AFG1L: variants seen among roughly 807,000 people sequenced by gnomAD.
AFG1L encodes AFG1 like ATPase, also known as AFG1-like ATPase.
In AFG1L, 53 loss-of-function variants were observed where a neutral mutation model predicts 62.2. The ratio of observed to expected loss-of-function variants is 0.85; its 90% confidence interval spans 0.68 to 1.07. The LOEUF (loss-of-function observed/expected upper bound fraction) is 1.07, where lower values mean the gene tolerates loss of function less well. Ranked by LOEUF, AFG1L falls within the 50% of genes least tolerant of loss-of-function variation. The pLI, the probability that AFG1L is intolerant of heterozygous loss-of-function variation, is 0.00. For missense variants in AFG1L, 555 were observed against 590.5 expected (o/e 0.94, Z 0.62); for synonymous variants, 228 against 210.3 (o/e 1.08, Z -0.73).
At chr6:108,419,309 A>G (rs1376567016) in intron 7 of AFG1L, among the ~76,000 whole-genome samples, 2 of 152,284 alleles carry the variant, frequency 1.3e-5, no homozygotes, top group South Asian at 2.1e-4. Context: ...CTCATTCACA[A>G]TGACAGCTTA....
chr6:108,445,575 G>A (rs868207508), intron 7 of AFG1L, among the ~76,000 whole-genome samples: 1 of 150,926 alleles, frequency 6.6e-6, no homozygotes, highest in South Asian at 2.1e-4. Context: ...TCATTGTAGG[G>A]CTATTAATCG....
chr6:108,513,340 G>A (rs773075847), intron 11 of AFG1L, among the ~76,000 whole-genome samples: 1 of 152,216 alleles, frequency 6.6e-6, no homozygotes, highest in African/African-American at 2.4e-5. Flanking sequence ...GAAGCACAAG[G>A]CATCAGGGAA....
At chr6:108,391,880 C>A (rs1781072055) in intron 6 of AFG1L, among the ~76,000 whole-genome samples, 1 of 152,134 alleles carries the variant, frequency 6.6e-6, no homozygotes, top group Non-Finnish European at 1.5e-5. Context: ...GCGTACAGTA[C>A]AAGGCTCAAC....
At chr6:108,459,342 C>T (rs1772368543) in intron 8 of AFG1L, among the ~76,000 whole-genome samples, 1 of 152,164 alleles carries the variant, frequency 6.6e-6, no homozygotes, top group Non-Finnish European at 1.5e-5. Context: ...TGTCCCTATT[C>T]CTGAAGTCTG....
intron 1 of AFG1L, among the ~76,000 whole-genome samples, chr6:108,322,907 A>G (rs541008963): frequency 6.6e-6 from 1 of 152,146 alleles, no homozygotes; most frequent in Admixed American, 6.5e-5. Context: ...CCTCGCCACA[A>G]TCATTTCTCT....
At chr6:108,391,288 A>T (rs951877547) in intron 6 of AFG1L, among the ~76,000 whole-genome samples, 3 of 152,082 alleles carry the variant, frequency 2.0e-5, no homozygotes, top group African/African-American at 7.2e-5. Flanking sequence ...CCACACCAAC[A>T]TCTATTATTT....
chr6:108,460,221 T>G (rs1772400734), intron 8 of AFG1L, among the ~76,000 whole-genome samples: 1 of 151,924 alleles, frequency 6.6e-6, no homozygotes, highest in Non-Finnish European at 1.5e-5. Flanking sequence ...CAATTTTAAA[T>G]GACATAAATC....
At chr6:108,373,857 C>T (rs552511923) in intron 6 of AFG1L, among the ~76,000 whole-genome samples, 40 of 152,230 alleles carry the variant, frequency 2.6e-4, no homozygotes, top group African/African-American at 9.2e-4. Flanking sequence ...GGATTACAGG[C>T]GTGAGCCACT....
intron 6 of AFG1L, among the ~76,000 whole-genome samples, chr6:108,395,979 C>A (rs189741222): frequency 6.6e-6 from 1 of 152,152 alleles, no homozygotes; most frequent in East Asian, 1.9e-4. Context: ...GTAGTTGGGC[C>A]CACAGGTGTG....
intron 8 of AFG1L, among the ~76,000 whole-genome samples, chr6:108,473,703 G>A (rs7741074): frequency 0.45 from 68,235 of 151,692 alleles, 15,654 homozygotes; most frequent in African/African-American, 0.53. Context: ...GATTGCAGGC[G>A]CATGCCACCA....
chr6:108,508,591 A>G (rs1448678244), intron 10 of AFG1L, among the ~76,000 whole-genome samples: 1 of 152,186 alleles, frequency 6.6e-6, no homozygotes, highest in Non-Finnish European at 1.5e-5. Flanking sequence ...CCTAGGTCCC[A>G]TAATTGCTGC....
At chr6:108,375,250 G>T (rs919201875) in intron 6 of AFG1L, among the ~76,000 whole-genome samples, 5 of 152,088 alleles carry the variant, frequency 3.3e-5, no homozygotes, top group Admixed American at 2.6e-4. Context: ...GAGTTTTCAA[G>T]GTATAGAATC....
At chr6:108,305,761 C>G (rs1777178927) in intron 1 of AFG1L, among the ~76,000 whole-genome samples, 1 of 152,106 alleles carries the variant, frequency 6.6e-6, no homozygotes, top group African/African-American at 2.4e-5. Flanking sequence ...CATTATGTTT[C>G]AAAGAAAGCT....
chr6:108,356,904 G>T, intron 5 of AFG1L, 84 bp downstream of exon 5: 1 of 1,160,418 alleles, frequency 8.6e-7, no homozygotes, highest in South Asian at 1.7e-5. Context: ...TTTTATCATT[G>T]GTTTATAAGG....
intron 1 of AFG1L, among the ~76,000 whole-genome samples, chr6:108,296,897 A>T (rs1265052546): frequency 6.6e-6 from 1 of 152,290 alleles, no homozygotes; most frequent in East Asian, 1.9e-4. Context: ...TTTGGAGATC[A>T]TGAATCCAAG....
chr6:108,301,098 C>A (rs1341081827), intron 1 of AFG1L, among the ~76,000 whole-genome samples: 2 of 152,154 alleles, frequency 1.3e-5, no homozygotes, highest in East Asian at 3.8e-4. Flanking sequence ...GACTGATTAT[C>A]TTTATGATAA....
chr6:108,511,903 G>C (rs1421077448), intron 11 of AFG1L, among the ~76,000 whole-genome samples: 1 of 152,240 alleles, frequency 6.6e-6, no homozygotes, highest in Non-Finnish European at 1.5e-5. Context: ...CCTGATATCA[G>C]AGAAACGTGA....
chr6:108,514,161 GA>G (rs1173074321), intron 11 of AFG1L, among the ~76,000 whole-genome samples: 1 of 152,102 alleles, frequency 6.6e-6, no homozygotes, highest in African/African-American at 2.4e-5. Context: ...CAAAGACGGG[GA>G]AAAAACAGAG....
intron 3 of AFG1L, among the ~76,000 whole-genome samples, chr6:108,352,882 T>C (rs1779137690): frequency 6.6e-6 from 1 of 152,122 alleles, no homozygotes; most frequent in Non-Finnish European, 1.5e-5. Context: ...TTATTTTTTA[T>C]TTTAAAAAAT....
Sources: allele counts gnomAD v4.1 joint callset (sites outside exome capture counted in the v4.1 genomes callset), GRCh38; gene constraint gnomAD v4.1.1; transcripts MANE v1.5; gene names NCBI Gene and HGNC (gene_info 2026-07-23, HGNC 2026-07-21).